Variants in MORN1 observed in about 807,000 individuals in gnomAD.
MORN1 encodes the protein MORN repeat-containing protein 1.
Under a neutral mutation model 61.9 loss-of-function variants are expected in MORN1, and 67 were observed. That is an observed-to-expected ratio of 1.08 (90% confidence interval 0.89 to 1.33). The LOEUF (loss-of-function observed/expected upper bound fraction) is 1.33, where lower values mean the gene tolerates loss of function less well. Among genes scored for constraint, MORN1 ranks in the 40% most tolerant of loss-of-function variants. The pLI is 0.00. For synonymous variants in MORN1, 301 were observed against 292.0 expected (o/e 1.03, Z -0.31); for missense variants, 752 against 691.2 (o/e 1.09, Z -0.99).
chr1:2,336,657 G>T (rs2100255274), intron 11 of MORN1, 60 bp downstream of exon 11: 5 of 1,567,748 alleles, frequency 3.2e-6, no homozygotes, highest in East Asian at 4.5e-5. Context: ...TGAGGTGGTG[G>T]GTGGGCAGGG....
intron 12 of MORN1, among the ~76,000 whole-genome samples, chr1:2,324,827 G>A (rs979943256): frequency 7.9e-5 from 12 of 152,070 alleles, no homozygotes; most frequent in African/African-American, 1.2e-4. Context: ...TGATGGGCCT[G>A]TTCCTCCTGC....
At chr1:2,325,299 T>TGC (rs200308724) in intron 12 of MORN1, among the ~76,000 whole-genome samples, 4,379 of 147,014 alleles carry the variant, frequency 0.03, 78 homozygotes, top group Non-Finnish European at 0.035. Flanking sequence ...TCTCTCTCTC[T>TGC]CTCTCTTTTT....
Position 2,363,779 on chromosome 1 carries a change from G to C in MORN1, c.746-5064C>G, listed in dbSNP as rs572571995. 2.2e-3 allele frequency among the ~76,000 whole-genome samples: 132 copies of C among 59,486 alleles called. 2 individuals carry two copies. In the East Asian group the frequency reaches 0.047, roughly 21 times the overall value. 39.0% of individuals were successfully genotyped at this position (59,486 alleles called of 152,430 possible). On this transcript the variant is annotated intron_variant, in intron 8 of 13. Coordinates refer to ENST00000378531, the MANE Select transcript of MORN1 (RefSeq NM_024848.3). ...CCTTGTCTCAAAAAAGAAAAAATCA[G>C]TTAGAAAAACAAACAAACAAACAAA... is the stretch of plus-strand genomic sequence containing the variant.
At chr1:2,356,157 C>T (rs1641764015) in intron 10 of MORN1, among the ~76,000 whole-genome samples, 1 of 152,146 alleles carries the variant, frequency 6.6e-6, no homozygotes, top group African/African-American at 2.4e-5. Context: ...GGCGCGACGG[C>T]CGCCTGGTGG....
intron 8 of MORN1, among the ~76,000 whole-genome samples, chr1:2,367,647 AT>A (rs994397180): frequency 3.4e-4 from 51 of 150,990 alleles, no homozygotes; most frequent in African/African-American, 1.1e-3. Context: ...AAAATATGTC[AT>A]TTTTTTTTGA....
At chr1:2,387,223 G>T (rs1046828974) in intron 4 of MORN1, 196 bp downstream of exon 4, 3 of 597,788 alleles carry the variant, frequency 5.0e-6, no homozygotes, top group Admixed American at 5.8e-5. Flanking sequence ...CGCAGGACCC[G>T]CTGGGCATAC....
chr1:2,390,583 T>A lies in MORN1; in HGVS notation c.77-587A>T, dbSNP rs1642626019. On this transcript the variant is annotated intron_variant, in intron 1 of 13. Coordinates refer to ENST00000378531, the MANE Select transcript of MORN1 (RefSeq NM_024848.3). ...CTACCAGCTCCTCAGGCACATTTTG[T>A]GGGCAGGGTTTATGGGAAAATGTCG... The A allele has an allele frequency of 4.1e-6, 4 of 985,200 alleles. No homozygotes were observed. The South Asian group carries it at 1.4e-4, about 35-fold the overall frequency. The allele number at this position is 985,200 out of a possible 1,614,324, so 61.0% of individuals were successfully genotyped here. A position where few individuals can be genotyped will look rare whatever the true frequency, so the allele number is the denominator to read the frequency against.
intron 6 of MORN1, among the ~76,000 whole-genome samples, chr1:2,381,902 C>T (rs1170958853): frequency 1.3e-5 from 2 of 152,204 alleles, no homozygotes; most frequent in African/African-American, 4.8e-5. Context: ...AGTGTGGTGC[C>T]GGGACAGGGC....
chr1:2,341,955 C>T (rs543310202), intron 10 of MORN1, among the ~76,000 whole-genome samples: 188 of 152,342 alleles, frequency 1.2e-3, no homozygotes, highest in African/African-American at 4.1e-3. Flanking sequence ...AGGAACCATT[C>T]GTGATGGAGA....
intron 11 of MORN1, 42 bp from the exon 12 acceptor site, chr1:2,336,590 G>A (rs1206693491): frequency 2.5e-6 from 4 of 1,608,928 alleles, no homozygotes; most frequent in Non-Finnish European, 3.4e-6. Flanking sequence ...GAAAGGCTCA[G>A]AAGGTGGGCC....
At chr1:2,376,221 TGA>T (rs1361374876) in intron 6 of MORN1, 1 of 151,388 alleles carries the variant, frequency 6.6e-6, no homozygotes, top group African/African-American at 2.4e-5. Context: ...CCAAACTGGG[TGA>T]GAGTCCAACG....
At chr1:2,352,756 T>C (rs3795272) in intron 10 of MORN1, 48,476 of 152,076 alleles carry the variant, frequency 0.32, 8,190 homozygotes, top group South Asian at 0.44. Context: ...GCAGGTACCC[T>C]GGAGATTTTC....
At chr1:2,332,832 A>T (rs1021868668) in intron 12 of MORN1, 5 of 422,398 alleles carry the variant, frequency 1.2e-5, no homozygotes, top group African/African-American at 1.0e-4. Context: ...CGGAGCCAGG[A>T]CCCCAGGGTC....
At chr1:2,388,414 G>A (rs376973404) in intron 2 of MORN1, 77 bp from the exon 3 acceptor site, 12 of 1,160,638 alleles carry the variant, frequency 1.0e-5, no homozygotes, top group East Asian at 9.5e-5. Context: ...TGTTGGGCCT[G>A]TTTCTCAGAA....
At chr1:2,324,622 G>A (rs886065700) in intron 12 of MORN1, among the ~76,000 whole-genome samples, 12 of 152,182 alleles carry the variant, frequency 7.9e-5, no homozygotes, top group East Asian at 3.9e-4. Flanking sequence ...TGGAGGAACA[G>A]AGGCCCAGTG....
In MORN1 at chr1:2,339,072, C is replaced by T. The variant is rs370415558; in HGVS notation, c.1037-2222G>A. Among the ~76,000 whole-genome samples the T allele has an allele frequency of 5.9e-5, 9 of 152,328 alleles. 1 individual carries two copies. The highest frequency in any genetic ancestry group is 2.2e-4 in the African/African-American group (9 of 41,580). The stretch of plus-strand genomic sequence containing the variant: ...TGGAGGTGCAGGCAGAAGCTCTCCT[C>T]TGTGCGGTCCCTGTCCAAGAGTGAA... On this transcript the variant is annotated intron_variant, in intron 10 of 13. Coordinates refer to ENST00000378531, the MANE Select transcript of MORN1 (RefSeq NM_024848.3).
Position 2,385,814 on chromosome 1 carries a change from G to T in MORN1, c.442C>A (p.Leu148Ile). The T allele has an allele frequency of 1.2e-6, 2 of 1,613,654 alleles. No individual in the cohort carries two copies. Among genetic ancestry groups the T allele is most frequent in the Non-Finnish European group, 1.7e-6 (2 of 1,179,804 alleles). ...CACAAGACTCATACTCACTGAAAGA[G>T]CATCTGCCCAGGGCCGTGCCTCTTG... The part of the protein sequence containing the change: ...DNKRHGPGQM[L>I]FQNGDKYDGD... Residue 148 changes from leucine (L) to isoleucine (I), a missense_variant, in exon 5 of 14, where the codon CTC becomes ATC. By Grantham distance (5) the Leu-to-Ile change is conservative (BLOSUM62 2). Transcript: ENST00000378531.
chr1:2,375,841 G>C (rs1421891583), intron 6 of MORN1: 2 of 152,572 alleles, frequency 1.3e-5, no homozygotes, highest in African/African-American at 4.8e-5. Flanking sequence ...CACCCACCCG[G>C]CTGCATTCCT....
At chr1:2,340,936 A>G (rs1641380835) in intron 10 of MORN1, among the ~76,000 whole-genome samples, 1 of 152,146 alleles carries the variant, frequency 6.6e-6, no homozygotes, top group Admixed American at 6.5e-5. Flanking sequence ...AAGCCAAAAC[A>G]TGGGGCCCAT....
Sources: allele counts gnomAD v4.1 joint callset (sites outside exome capture counted in the v4.1 genomes callset), GRCh38; gene constraint gnomAD v4.1.1; transcripts MANE v1.5; gene names NCBI Gene and HGNC (gene_info 2026-07-23, HGNC 2026-07-21).